SOCS2: variants seen among roughly 807,000 people sequenced by gnomAD.
SOCS2 encodes the protein CIS-2.
In SOCS2, 10 loss-of-function variants were observed where a neutral mutation model predicts 18.6. The observed-to-expected ratio is 0.54, with a 90% CI of 0.33 to 0.91. The LOEUF (loss-of-function observed/expected upper bound fraction) is 0.91. Among genes scored for constraint, SOCS2 ranks in the 40% least tolerant of loss-of-function variants. The pLI is 0.02. For synonymous variants in SOCS2, 104 were observed against 104.0 expected (o/e 1.00, Z 0.00); for missense variants, 231 against 247.2 (o/e 0.93, Z 0.44).
downstream of SOCS2, among the ~76,000 whole-genome samples, chr12:93,583,854 T>C (rs1954567396): frequency 6.6e-6 from 1 of 152,256 alleles, no homozygotes; most frequent in Non-Finnish European, 1.5e-5. Context: ...TGAAGTAGAT[T>C]CTGCTTTTAT....
intron 1 of SOCS2, chr12:93,573,377 A>G: frequency 2.1e-6 from 1 of 485,098 alleles, no homozygotes; most frequent in South Asian, 3.9e-5. Context: ...CTCCCTTTGC[A>G]CGGGGTGCAA....
chr12:93,616,130 T>C, the SOCS2 span, among the ~76,000 whole-genome samples: 1 of 152,196 alleles, frequency 6.6e-6, no homozygotes, highest in Non-Finnish European at 1.5e-5. Context: ...AGGATGAGCA[T>C]GAGAACTAGG....
downstream of SOCS2, among the ~76,000 whole-genome samples, chr12:93,587,558 G>C (rs1453030814): frequency 6.6e-6 from 1 of 151,898 alleles, no homozygotes; most frequent in Non-Finnish European, 1.5e-5. Context: ...GCACGCGCCT[G>C]TAGTCCCAGC....
chr12:93,621,725 C>T, the SOCS2 span, among the ~76,000 whole-genome samples: 2 of 152,092 alleles, frequency 1.3e-5, no homozygotes, highest in Non-Finnish European at 2.9e-5. Context: ...CTCAAGCAAT[C>T]CTCCCACCTT....
At chr12:93,593,024 C>T in the SOCS2 span, among the ~76,000 whole-genome samples, 6 of 151,548 alleles carry the variant, frequency 4.0e-5, no homozygotes, top group African/African-American at 4.9e-5. Flanking sequence ...CTCCAGTTCC[C>T]TACTCTCTGT....
downstream of SOCS2, among the ~76,000 whole-genome samples, chr12:93,583,990 G>T (rs1954568332): frequency 6.6e-6 from 1 of 152,124 alleles, no homozygotes; most frequent in Non-Finnish European, 1.5e-5. Flanking sequence ...CCAGAATTGG[G>T]TAACACTTCA....
downstream of SOCS2, among the ~76,000 whole-genome samples, chr12:93,578,572 G>GT (rs1404927758): frequency 1.3e-5 from 2 of 151,822 alleles, no homozygotes; most frequent in Admixed American, 6.6e-5. Flanking sequence ...TCCTTTCCCA[G>GT]TTTTTTTAAC....
chr12:93,590,557 G>T, the SOCS2 span, among the ~76,000 whole-genome samples: 1 of 151,758 alleles, frequency 6.6e-6, no homozygotes, highest in African/African-American at 2.4e-5. Context: ...AGCACTTTGG[G>T]AGGCCGAAGT....
At chr12:93,580,757 A>C (rs992729510), downstream of SOCS2, among the ~76,000 whole-genome samples, 1 of 151,948 alleles carries the variant, frequency 6.6e-6, no homozygotes, top group African/African-American at 2.4e-5. Context: ...GGTTTCCAGC[A>C]TAGCTTGTTT....
At chr12:93,583,672 G>A (rs1592837987), downstream of SOCS2, among the ~76,000 whole-genome samples, 1 of 152,160 alleles carries the variant, frequency 6.6e-6, no homozygotes, top group East Asian at 1.9e-4. Flanking sequence ...TTGAAGCTGC[G>A]TTGGGCAGGC....
chr12:93,573,546 GAGCGCGGCTTCCATGGT>G (rs1954342081), intron 1 of SOCS2: 1 of 230,084 alleles, frequency 4.3e-6, no homozygotes, highest in East Asian at 8.5e-5. Flanking sequence ...AGCCCCCGCC[GAGCGCGGCTTCCATGGT>G]CGGCGCGCCC....
At chr12:93,590,918 T>C in the SOCS2 span, among the ~76,000 whole-genome samples, 2 of 147,328 alleles carry the variant, frequency 1.4e-5, no homozygotes, top group Non-Finnish European at 3.0e-5. Context: ...AGTGAAGAAA[T>C]GAGAGTGATT....
chr12:93,595,228 A>G, the SOCS2 span, among the ~76,000 whole-genome samples: 2 of 152,152 alleles, frequency 1.3e-5, no homozygotes, highest in Non-Finnish European at 2.9e-5. Context: ...TGAGTTCCAC[A>G]CTGATAGTTA....
chr12:93,601,198 A>AATTCTTGTAT, the SOCS2 span, among the ~76,000 whole-genome samples: 1 of 150,982 alleles, frequency 6.6e-6, no homozygotes, highest in South Asian at 2.1e-4. Flanking sequence ...GTATCCAGCG[A>AATTCTTGTAT]CCTTTCTGAA....
chr12:93,601,007 C>G, the SOCS2 span, among the ~76,000 whole-genome samples: 2 of 151,248 alleles, frequency 1.3e-5, no homozygotes. Context: ...CCCAAGCTGG[C>G]CTTGAACTCT....
In SOCS2 at chr12:93,576,618, A is replaced by G. The variant is rs976923780; in HGVS notation, c.*1439A>G. 2 of 152,220 alleles carry G rather than the reference A, an allele frequency of 1.3e-5. No individual in the cohort carries two copies. The highest frequency in any genetic ancestry group is 2.9e-5 in the Non-Finnish European group (2 of 68,032). 9.4% of individuals were successfully genotyped at this position (152,220 alleles called of 1,614,324 possible). The stretch of plus-strand genomic sequence containing the variant: ...ATGTACCATCTTTTCTAGAGTCCAG[A>G]CATTATTTATTTTATGGCTTTAAAA... On this transcript the variant is annotated 3_prime_UTR_variant, in exon 2 of 2. Coordinates refer to ENST00000551556, the MANE Select transcript of SOCS2 (RefSeq NM_001270471.2).
At chr12:93,591,778 G>A in the SOCS2 span, among the ~76,000 whole-genome samples, 1 of 152,164 alleles carries the variant, frequency 6.6e-6, no homozygotes, top group South Asian at 2.1e-4. Flanking sequence ...CTTTGGAAGC[G>A]CACCAGATGA....
upstream of SOCS2, chr12:93,571,848 C>CG: frequency 2.3e-6 from 1 of 427,884 alleles, no homozygotes; most frequent in South Asian, 1.6e-5. Context: ...CCCACCCCCC[C>CG]GCCCCATGTC....
At chr12:93,590,966 A>T in the SOCS2 span, among the ~76,000 whole-genome samples, 1 of 152,104 alleles carries the variant, frequency 6.6e-6, no homozygotes, top group East Asian at 1.9e-4. Context: ...CTTTAAACTT[A>T]CTGGCTTTTC....
Sources: gnomAD v4.1 joint callset for allele counts (sites outside exome capture counted in the v4.1 genomes callset) on GRCh38, gnomAD v4.1.1 for gene constraint, MANE v1.5 for transcripts, NCBI Gene and HGNC (gene_info 2026-07-23, HGNC 2026-07-21) for gene names.